Variants in KCNN2 observed in about 807,000 individuals in gnomAD.
The protein encoded by KCNN2 is small conductance calcium-activated potassium channel protein 2.
A neutral mutation model predicts 55.5 loss-of-function variants in KCNN2; 24 were observed. That is an observed-to-expected ratio of 0.43 (90% CI 0.31 to 0.61). KCNN2 has a LOEUF of 0.61. KCNN2 is among the 20% of genes least tolerant of loss of function. The pLI is 0.08. For missense variants in KCNN2, 754 were observed against 853.6 expected (o/e 0.88, Z 1.45); for synonymous variants, 431 against 336.1 (o/e 1.28, Z -3.09).
In KCNN2 at chr5:114,254,429, G is replaced by T. The variant is rs537108056; in HGVS notation, c.-185+32864G>T. Among the ~76,000 whole-genome samples the T allele has an allele frequency of 3.3e-5, 5 of 152,212 alleles. No individual in the cohort carries two copies. In the South Asian group the frequency reaches 8.3e-4, roughly 25 times the overall value. ...ACCAGCTTTTCTGAAATGACAAATA[G>T]TTTTCATTTCTTTAAAACTGATATT... On this transcript the variant is annotated intron_variant, in intron 2 of 10. Transcript: ENST00000512097.
chr5:114,056,588 G>A (rs1245784905), intron 1 of KCNN2: 1 of 395,272 alleles, frequency 2.5e-6, no homozygotes, highest in African/African-American at 2.1e-5. Context: ...AGTGAAGTTT[G>A]CCTGGGCTTT....
At chr5:114,466,343 G>A (rs1761451315) in intron 4 of KCNN2, among the ~76,000 whole-genome samples, 1 of 152,072 alleles carries the variant, frequency 6.6e-6, no homozygotes, top group African/African-American at 2.4e-5. Flanking sequence ...GAAGATGGTA[G>A]GCAAGTAATA....
intron 2 of KCNN2, among the ~76,000 whole-genome samples, chr5:114,365,584 A>C (rs1204364045): frequency 6.6e-6 from 1 of 152,220 alleles, no homozygotes; most frequent in East Asian, 1.9e-4. Context: ...TAGACAGTGC[A>C]CAGTGAGAAC....
At position 114,362,697 on chromosome 5, in the gene KCNN2, CCACCACCCGCACCCGGCGCACCACCAG is replaced by C; in HGVS notation, c.566_592del (p.Pro189_His197del). 3 of 1,481,244 alleles carry C rather than the reference CCACCACCCGCACCCGGCGCACCACCAG, an allele frequency of 2.0e-6. No individual in the cohort carries two copies. Among genetic ancestry groups the C allele is most frequent in the Non-Finnish European group, 1.8e-6 (2 of 1,125,080 alleles). 91.8% of individuals were successfully genotyped at this position (1,481,244 alleles called of 1,614,324 possible). On this transcript the variant is annotated inframe_deletion, in exon 1 of 8. Coordinates refer to ENST00000673685, the MANE Select transcript of KCNN2 (RefSeq NM_021614.4). Reference sequence around the variant, plus strand: ...CCGGGCCCCCGCTCTCGCACCACCACCACCACCCGCACCCGGCGCACCACCAGCACCACCAGCCCCAGGCGCGCCGCG... The same window carrying C: ...CCGGGCCCCCGCTCTCGCACCACCACCACCACCAGCCCCAGGCGCGCCGCG...
chr5:114,410,658 C>A (rs559920254), intron 3 of KCNN2, among the ~76,000 whole-genome samples: 1 of 151,870 alleles, frequency 6.6e-6, no homozygotes, highest in East Asian at 1.9e-4. Flanking sequence ...TGTTAGGGGG[C>A]AAATTGGGGA....
At chr5:114,338,206 T>C (rs1162138818) in intron 2 of KCNN2, among the ~76,000 whole-genome samples, 1 of 152,226 alleles carries the variant, frequency 6.6e-6, no homozygotes, top group African/African-American at 2.4e-5. Context: ...ATTATTCAAA[T>C]GCTATTTCTA....
chr5:114,186,874 A>G (rs9326912), intron 1 of KCNN2, among the ~76,000 whole-genome samples: 1 of 151,874 alleles, frequency 6.6e-6, no homozygotes. Context: ...GAAAGAAGAT[A>G]AAGCTACCCA....
chr5:114,400,719 G>A (rs716845), intron 2 of KCNN2, among the ~76,000 whole-genome samples: 34,034 of 152,108 alleles, frequency 0.22, 4,287 homozygotes, highest in Non-Finnish European at 0.28. Context: ...AAGCTTTTAT[G>A]AAGCCCAGGG....
At chr5:114,319,702 C>T (rs1756576227) in intron 2 of KCNN2, among the ~76,000 whole-genome samples, 1 of 152,156 alleles carries the variant, frequency 6.6e-6, no homozygotes, top group South Asian at 2.1e-4. Flanking sequence ...CACAATTGCT[C>T]CTCGCTTCTA....
intron 1 of KCNN2, among the ~76,000 whole-genome samples, chr5:114,108,996 A>C (rs1751542056): frequency 1.3e-5 from 2 of 151,998 alleles, no homozygotes; most frequent in Admixed American, 1.3e-4. Context: ...AGTTTATGAG[A>C]GTTGCTGTTG....
intron 2 of KCNN2, among the ~76,000 whole-genome samples, chr5:114,285,084 C>T (rs1248260067): frequency 4.6e-5 from 7 of 150,836 alleles, no homozygotes; most frequent in African/African-American, 1.7e-4. Flanking sequence ...AGATCGAGAC[C>T]ATCTTGGCTA....
chr5:114,363,252 C>A lies in KCNN2; in HGVS notation c.1113C>A (p.Ala371=). ...TCGAGACCGAGCTGTCGTGGGGCGC[C>A]TACGACAAGGTACAGGCTTGAACCC... The part of the protein sequence containing the change: ...MVIETELSWG[A]YDKASLYSLA... Residue 371 remains alanine, a synonymous_variant, in exon 1 of 8, where the codon GCC becomes GCA. Transcript: ENST00000673685. The A allele has an allele frequency of 6.2e-7, 1 of 1,608,762 alleles. No homozygotes were observed. The highest frequency in any genetic ancestry group is 8.5e-7 in the Non-Finnish European group (1 of 1,177,914).
chr5:114,467,882 C>T (rs187524723), intron 4 of KCNN2, among the ~76,000 whole-genome samples: 1 of 152,280 alleles, frequency 6.6e-6, no homozygotes, highest in African/African-American at 2.4e-5. Flanking sequence ...CTCACACTGG[C>T]ACTGTTGCTA....
At chr5:114,180,116 A>T (rs571576501) in intron 1 of KCNN2, among the ~76,000 whole-genome samples, 1 of 152,332 alleles carries the variant, frequency 6.6e-6, no homozygotes, top group African/African-American at 2.4e-5. Context: ...AACGGATTAT[A>T]AGTTAAACGT....
chr5:114,445,936 C>T (rs1561388153), intron 3 of KCNN2, among the ~76,000 whole-genome samples: 1 of 152,254 alleles, frequency 6.6e-6, no homozygotes, highest in East Asian at 1.9e-4. Context: ...GGCAGGATCA[C>T]GGGAAGTGAC....
chr5:114,384,029 A>G (rs536352576), intron 2 of KCNN2, among the ~76,000 whole-genome samples: 10 of 152,326 alleles, frequency 6.6e-5, no homozygotes, highest in Admixed American at 2.6e-4. Flanking sequence ...GCCAGTGAGT[A>G]GCGAAGTTGA....
chr5:114,373,644 A>G (rs1176167066), intron 2 of KCNN2, among the ~76,000 whole-genome samples: 1 of 103,860 alleles, frequency 9.6e-6, no homozygotes, highest in Non-Finnish European at 2.0e-5. Context: ...AAGATTTTAT[A>G]TATATATATA....
intron 1 of KCNN2, among the ~76,000 whole-genome samples, chr5:114,211,191 C>T (rs1299057116): frequency 1.3e-5 from 2 of 152,116 alleles, no homozygotes; most frequent in Non-Finnish European, 2.9e-5. Context: ...ACCATTTGAT[C>T]CAGCAATCCC....
At chr5:114,161,494 C>T (rs1286546799) in intron 1 of KCNN2, among the ~76,000 whole-genome samples, 2 of 151,636 alleles carry the variant, frequency 1.3e-5, no homozygotes, top group Non-Finnish European at 2.9e-5. Context: ...AGTTGCTCTT[C>T]TCGAGGAGTA....
Sources: allele counts gnomAD v4.1 joint callset (sites outside exome capture counted in the v4.1 genomes callset), GRCh38; gene constraint gnomAD v4.1.1; transcripts MANE v1.5; gene names NCBI Gene and HGNC (gene_info 2026-07-23, HGNC 2026-07-21).